LONRF1: variants seen among roughly 807,000 people sequenced by gnomAD.
The protein encoded by LONRF1 is LON peptidase N-terminal domain and RING finger protein 1.
In LONRF1, 37 loss-of-function variants were observed where a neutral mutation model predicts 85.8. The observed-to-expected ratio is 0.43, with a 90% CI of 0.33 to 0.57. The LOEUF (loss-of-function observed/expected upper bound fraction) is 0.57. Ranked by LOEUF, LONRF1 falls within the 20% of genes least tolerant of loss-of-function variation. LONRF1 has a pLI of 0.04. For missense variants in LONRF1, 1,036 were observed against 978.0 expected (o/e 1.06, Z -0.79); for synonymous variants, 517 against 390.1 (o/e 1.33, Z -3.83).
At chr8:12,751,294 A>ATT (rs1554469328) in intron 1 of LONRF1, among the ~76,000 whole-genome samples, 5 of 84,812 alleles carry the variant, frequency 5.9e-5, no homozygotes, top group East Asian at 3.9e-4. Context: ...TTTTATTTTT[A>ATT]TGTTTTTTTT....
At position 12,732,582 on chromosome 8, in the gene LONRF1, C is replaced by A. The variant is rs367899024; in HGVS notation, c.1567-725G>T. Among the ~76,000 whole-genome samples, 216 of 152,336 alleles carry A rather than the reference C, an allele frequency of 1.4e-3. 1 individual carries two copies. In the South Asian group the frequency reaches 0.015, roughly 11 times the overall value. On this transcript the variant is annotated intron_variant, in intron 7 of 11. Transcript: ENST00000398246. ...CTCTATTCCAACTTACAAAAGCCAT[C>A]TCTCTCACTCCTGCTTATGCAAAAC...
In LONRF1 at chr8:12,748,791, G is replaced by A. The variant is rs143383761; in HGVS notation, c.722-5509C>T. Among the ~76,000 whole-genome samples the A allele has an allele frequency of 4.5e-3, 636 of 141,782 alleles. 9 individuals are homozygous for A. Among genetic ancestry groups the A allele is most frequent in the Non-Finnish European group, 4.0e-3 (268 of 66,398 alleles). The allele number at this position is 141,782 out of a possible 152,430, so 93.0% of individuals were successfully genotyped here. ...TATCAAGCTATCGAAATTTTCAAAG[G>A]CTAACCAGAATATCAATTTTTTTTT... On this transcript the variant is annotated intron_variant, in intron 1 of 11. Coordinates refer to ENST00000398246, the MANE Select transcript of LONRF1 (RefSeq NM_152271.5).
chr8:12,726,366 G>A (rs958406312), intron 10 of LONRF1, among the ~76,000 whole-genome samples: 2 of 152,140 alleles, frequency 1.3e-5, no homozygotes, highest in African/African-American at 4.8e-5. Context: ...CTAGGGAACT[G>A]GGTCAAAACA....
chr8:12,728,591 T>C (rs1052279579), intron 10 of LONRF1, among the ~76,000 whole-genome samples: 2 of 152,218 alleles, frequency 1.3e-5, no homozygotes, highest in African/African-American at 4.8e-5. Context: ...TCAACCACTA[T>C]TGTTAAGTAC....
intron 11 of LONRF1, 23 bp from the exon 12 acceptor site, chr8:12,723,277 A>T (rs928183879): frequency 1.3e-6 from 2 of 1,574,992 alleles, no homozygotes; most frequent in African/African-American, 2.7e-5. Context: ...GACAGTTTAT[A>T]GCATTAATAA....
intron 7 of LONRF1, among the ~76,000 whole-genome samples, chr8:12,733,195 T>A (rs1286312160): frequency 6.6e-6 from 1 of 152,112 alleles, no homozygotes; most frequent in Non-Finnish European, 1.5e-5. Flanking sequence ...AGATAATAAG[T>A]GTTTATCACA....
At chr8:12,732,319 A>T (rs1432389340) in intron 7 of LONRF1, among the ~76,000 whole-genome samples, 1 of 152,204 alleles carries the variant, frequency 6.6e-6, no homozygotes, top group African/African-American at 2.4e-5. Context: ...CTCTAGATAA[A>T]TTTTCTTTCA....
chr8:12,723,943 T>G (rs1806041971), intron 11 of LONRF1, among the ~76,000 whole-genome samples: 1 of 152,166 alleles, frequency 6.6e-6, no homozygotes, highest in Non-Finnish European at 1.5e-5. Context: ...TTGAAACAAC[T>G]AGAAATTTCC....
intron 4 of LONRF1, 109 bp downstream of exon 4, chr8:12,737,886 G>T: frequency 8.7e-7 from 1 of 1,150,690 alleles, no homozygotes; most frequent in Admixed American, 2.8e-5. Context: ...AACTAACCAG[G>T]TTAAAAGTAC....
chr8:12,743,115 T>C, intron 2 of LONRF1, 49 bp downstream of exon 2: 1 of 1,220,938 alleles, frequency 8.2e-7, no homozygotes, highest in Non-Finnish European at 1.2e-6. Context: ...TGCATGTCCC[T>C]TATAGTTAAA....
intron 1 of LONRF1, chr8:12,753,315 C>CT: frequency 6.6e-6 from 1 of 152,210 alleles, no homozygotes. Context: ...AAAGATGATC[C>CT]TTTCAGTTAC....
At chr8:12,744,528 G>C (rs1041552742) in intron 1 of LONRF1, among the ~76,000 whole-genome samples, 2 of 152,114 alleles carry the variant, frequency 1.3e-5, no homozygotes, top group African/African-American at 4.8e-5. Context: ...AGAGTTCCTA[G>C]CACAAACCTA....
intron 2 of LONRF1, among the ~76,000 whole-genome samples, chr8:12,742,291 A>C (rs907586677): frequency 1.3e-5 from 2 of 152,226 alleles, no homozygotes; most frequent in African/African-American, 4.8e-5. Flanking sequence ...TTTTGAATGG[A>C]GGGAAAAGGT....
At position 12,737,011 on chromosome 8, in the gene LONRF1, G is replaced by C. The variant is rs759567336; in HGVS notation, c.1243C>G (p.Pro415Ala). 1 of 1,613,568 alleles carries C rather than the reference G, an allele frequency of 6.2e-7. No individual in the cohort carries two copies. The highest frequency in any genetic ancestry group is 8.5e-7 in the Non-Finnish European group (1 of 1,179,718). Residue 415 changes from proline to alanine, a missense_variant, in exon 5 of 12, where the codon CCT becomes GCT. By Grantham distance (27) the Pro-to-Ala change is conservative (BLOSUM62 -1). Coordinates refer to ENST00000398246, the MANE Select transcript of LONRF1 (RefSeq NM_152271.5). ...EDCLKRVSSE[P>A]VLSVQEKGVL... ...CCTTTTTCTTGAACTGACAGAACAG[G>C]TTCTGAGGACACTCTTTTTAAACAG...
intron 1 of LONRF1, 31 bp downstream of exon 1, chr8:12,754,669 G>C: frequency 7.6e-7 from 1 of 1,318,198 alleles, no homozygotes; most frequent in Non-Finnish European, 9.6e-7. Context: ...GGTGCGGTCG[G>C]CCCGGCCCCG....
chr8:12,753,356 A>C (rs1319679277), intron 1 of LONRF1: 1 of 152,224 alleles, frequency 6.6e-6, no homozygotes, highest in East Asian at 1.9e-4. Flanking sequence ...TAATACCTAA[A>C]GTCAGTTGCT....
chr8:12,748,908 G>T (rs1799270815), intron 1 of LONRF1, among the ~76,000 whole-genome samples: 1 of 151,264 alleles, frequency 6.6e-6, no homozygotes, highest in Non-Finnish European at 1.5e-5. Flanking sequence ...GTTGATCATT[G>T]ATTAAGAATG....
intron 10 of LONRF1, 113 bp from the exon 11 acceptor site, chr8:12,725,992 A>G (rs1798282700): frequency 2.3e-6 from 2 of 879,076 alleles, no homozygotes; most frequent in South Asian, 1.7e-5. Flanking sequence ...TACCTGTTTC[A>G]GTGCTGACGT....
chr8:12,735,646 G>GC, intron 6 of LONRF1: 2 of 419,312 alleles, frequency 4.8e-6, no homozygotes, highest in Non-Finnish European at 8.6e-6. Flanking sequence ...CCTGACTAAC[G>GC]CAACAGCCCC....
Sources: gnomAD v4.1 joint callset for allele counts (sites outside exome capture counted in the v4.1 genomes callset) on GRCh38, gnomAD v4.1.1 for gene constraint, MANE v1.5 for transcripts, NCBI Gene and HGNC (gene_info 2026-07-23, HGNC 2026-07-21) for gene names.